RBFOX1: variants seen among roughly 807,000 people sequenced by gnomAD.
RBFOX1 encodes RNA binding fox-1 homolog 1.
A neutral mutation model predicts 57.7 loss-of-function variants in RBFOX1; 8 were observed. That is an observed-to-expected ratio of 0.14 (90% CI 0.08 to 0.25). The LOEUF is 0.25. Among genes scored for constraint, RBFOX1 ranks in the 10% least tolerant of loss-of-function variants. The pLI is 1.00. For missense variants in RBFOX1, 611 were observed against 548.5 expected (o/e 1.11, Z -1.14); for synonymous variants, 326 against 222.4 (o/e 1.47, Z -4.15).
chr16:5,895,905 A>G (rs571661097), intron 4 of RBFOX1, among the ~76,000 whole-genome samples: 2 of 152,312 alleles, frequency 1.3e-5, no homozygotes, highest in East Asian at 1.9e-4. Context: ...CAAGAGGCAC[A>G]TTTCTAAATC....
chr16:6,896,362 A>G (rs2066911667), intron 3 of RBFOX1, among the ~76,000 whole-genome samples: 1 of 152,174 alleles, frequency 6.6e-6, no homozygotes, highest in Non-Finnish European at 1.5e-5. Flanking sequence ...ATAGTAATCA[A>G]ATAATATGTA....
chr16:7,230,628 G>C (rs2093444282), intron 4 of RBFOX1, among the ~76,000 whole-genome samples: 2 of 152,122 alleles, frequency 1.3e-5, no homozygotes, highest in African/African-American at 4.8e-5. Context: ...ACTAGCTTCT[G>C]ATGCATTCAT....
intron 1 of RBFOX1, among the ~76,000 whole-genome samples, chr16:5,410,271 T>C: frequency 6.6e-6 from 1 of 151,580 alleles, no homozygotes; most frequent in East Asian, 1.9e-4. Context: ...CTCAGGAGGC[T>C]GAGGCAGGAG....
At chr16:6,710,299 CT>C (rs2154150994) in intron 3 of RBFOX1, among the ~76,000 whole-genome samples, 1 of 152,270 alleles carries the variant, frequency 6.6e-6, no homozygotes, top group East Asian at 1.9e-4. Flanking sequence ...TGCATATGTA[CT>C]TTTAGTTTTT....
At chr16:6,612,467 T>A (rs1185822973) in intron 2 of RBFOX1, among the ~76,000 whole-genome samples, 1 of 152,188 alleles carries the variant, frequency 6.6e-6, no homozygotes, top group Non-Finnish European at 1.5e-5. Context: ...GTTTCACGTG[T>A]ACTTACAGCA....
chr16:6,819,844 C>T (rs2090949069), intron 3 of RBFOX1, among the ~76,000 whole-genome samples: 2 of 152,052 alleles, frequency 1.3e-5, no homozygotes, highest in Non-Finnish European at 2.9e-5. Context: ...TGAATCCAGC[C>T]CTCTGATTCC....
intron 1 of RBFOX1, among the ~76,000 whole-genome samples, chr16:6,273,604 C>G (rs1033113518): frequency 6.6e-6 from 1 of 151,964 alleles, no homozygotes; most frequent in African/African-American, 2.4e-5. Flanking sequence ...CCTCGGCCCC[C>G]CAAAGTGCTG....
intron 4 of RBFOX1, among the ~76,000 whole-genome samples, chr16:7,062,317 C>CAAA (rs57989614): frequency 0.028 from 1,846 of 65,244 alleles, 96 homozygotes; most frequent in African/African-American, 0.1. Context: ...GACTCCATCT[C>CAAA]AAAAAAAAAA....
rs116726685 is a variant in RBFOX1, at chr16:5,887,977, C to A, written c.351+20642C>A. Among the ~76,000 whole-genome samples, 230 of 152,298 alleles carry A rather than the reference C, an allele frequency of 1.5e-3. 3 individuals carry two copies. The highest frequency in any genetic ancestry group is 5.3e-3 in the African/African-American group (221 of 41,560). Reference sequence around the variant, plus strand: ...CACATCAAAACTTCTACAAGACGAGCAAGGTCCTGCCAGACTGTGTTCCTG... The same window carrying A: ...CACATCAAAACTTCTACAAGACGAGAAAGGTCCTGCCAGACTGTGTTCCTG... On this transcript the variant is annotated intron_variant, in intron 4 of 19. Coordinates refer to the RBFOX1 transcript ENST00000641259.
At chr16:5,461,802 A>G (rs2068795517) in intron 1 of RBFOX1, among the ~76,000 whole-genome samples, 2 of 152,186 alleles carry the variant, frequency 1.3e-5, no homozygotes, top group African/African-American at 4.8e-5. Flanking sequence ...CAGTTTAAGC[A>G]GTCTCTGAGC....
In RBFOX1 at chr16:6,872,409, C is replaced by T. The variant is rs546379196; in HGVS notation, c.-15-179648C>T. On this transcript the variant is annotated intron_variant, in intron 3 of 15. Coordinates refer to ENST00000550418, the MANE Select transcript of RBFOX1 (RefSeq NM_018723.4). ...CTATGACCATAGCTCTTTTTTTAATCGATCACCTTTTAACACTTTAAGAAC... is the reference window on the plus strand; with the variant it reads ...CTATGACCATAGCTCTTTTTTTAATTGATCACCTTTTAACACTTTAAGAAC... 5.9e-5 allele frequency among the ~76,000 whole-genome samples: 9 copies of T among 151,942 alleles called. No homozygotes were observed. The South Asian group carries it at 1.0e-3, about 18-fold the overall frequency.
At chr16:7,700,867 A>C (rs933674768) in intron 14 of RBFOX1, among the ~76,000 whole-genome samples, 1 of 152,138 alleles carries the variant, frequency 6.6e-6, no homozygotes, top group African/African-American at 2.4e-5. Flanking sequence ...TTGGTGGGCT[A>C]GAGAAAAGAT....
intron 4 of RBFOX1, among the ~76,000 whole-genome samples, chr16:7,094,216 G>C (rs1312436368): frequency 2.6e-5 from 4 of 151,986 alleles, no homozygotes; most frequent in Non-Finnish European, 1.5e-5. Flanking sequence ...ATTAGTTTCT[G>C]TGCAAACTTG....
chr16:7,097,106 A>G (rs1443929138), intron 4 of RBFOX1, among the ~76,000 whole-genome samples: 1 of 152,098 alleles, frequency 6.6e-6, no homozygotes, highest in Non-Finnish European at 1.5e-5. Context: ...CAAAAACAAA[A>G]AATGTGCTTG....
chr16:6,883,695 A>G (rs569802046), intron 3 of RBFOX1, among the ~76,000 whole-genome samples: 1 of 152,206 alleles, frequency 6.6e-6, no homozygotes, highest in Non-Finnish European at 1.5e-5. Flanking sequence ...CAGGCTGTTC[A>G]AATATGAGAT....
At chr16:6,961,355 C>G (rs567311383) in intron 3 of RBFOX1, among the ~76,000 whole-genome samples, 1 of 152,090 alleles carries the variant, frequency 6.6e-6, no homozygotes, top group Non-Finnish European at 1.5e-5. Context: ...CACTCCAGAC[C>G]GTGTTCAAAC....
chr16:7,653,212 T>C (rs565816868), intron 11 of RBFOX1, among the ~76,000 whole-genome samples: 2 of 152,238 alleles, frequency 1.3e-5, no homozygotes, highest in South Asian at 4.2e-4. Flanking sequence ...TAAAAATATG[T>C]TTGTGGGTTG....
At chr16:6,211,177 G>A (rs1360476989) in intron 1 of RBFOX1, among the ~76,000 whole-genome samples, 4 of 110,118 alleles carry the variant, frequency 3.6e-5, no homozygotes, top group Non-Finnish European at 8.2e-5. Flanking sequence ...GAGACAGAGT[G>A]TTTTCTTCTT....
chr16:7,618,884 G>T (rs1264770106), intron 10 of RBFOX1, among the ~76,000 whole-genome samples: 1 of 152,156 alleles, frequency 6.6e-6, no homozygotes, highest in East Asian at 1.9e-4. Context: ...ACACATTACA[G>T]TCGACATATT....
Sources: gnomAD v4.1 joint callset for allele counts (sites outside exome capture counted in the v4.1 genomes callset) on GRCh38, gnomAD v4.1.1 for gene constraint, MANE v1.5 for transcripts, NCBI Gene and HGNC (gene_info 2026-07-23, HGNC 2026-07-21) for gene names.